Variants in KCNK9 observed in about 807,000 individuals in gnomAD.
KCNK9 encodes potassium two pore domain channel subfamily K member 9.
A neutral mutation model predicts 10.8 loss-of-function variants in KCNK9; 1 was observed. That is an observed-to-expected ratio of 0.09 (90% CI 0.03 to 0.44). The LOEUF is 0.44. Among genes scored for constraint, KCNK9 ranks in the 20% least tolerant of loss-of-function variants. The pLI is 0.97. For synonymous variants in KCNK9, 231 were observed against 222.7 expected (o/e 1.04, Z -0.33); for missense variants, 303 against 515.0 (o/e 0.59, Z 3.98).
intron 2 of KCNK9, among the ~76,000 whole-genome samples, chr8:139,603,174 A>C (rs1817409515): frequency 6.6e-6 from 1 of 152,236 alleles, no homozygotes; most frequent in Non-Finnish European, 1.5e-5. Flanking sequence ...TAACAGGTAC[A>C]CGGTGATAAC....
At chr8:139,687,871 C>T (rs1225015726) in intron 1 of KCNK9, among the ~76,000 whole-genome samples, 2 of 151,694 alleles carry the variant, frequency 1.3e-5, no homozygotes. Context: ...TTCATTTACA[C>T]ATGCATCATT....
intron 1 of KCNK9, among the ~76,000 whole-genome samples, chr8:139,624,477 T>A (rs910993873): frequency 5.3e-5 from 8 of 152,110 alleles, no homozygotes; most frequent in African/African-American, 1.9e-4. Flanking sequence ...GGCTGGCCCC[T>A]GCATCACTCA....
chr8:139,680,093 C>T (rs1285129003), intron 1 of KCNK9, among the ~76,000 whole-genome samples: 3 of 152,132 alleles, frequency 2.0e-5, no homozygotes, highest in Admixed American at 6.5e-5. Context: ...CTCATACCTA[C>T]GGGGACTCAG....
intron 1 of KCNK9, among the ~76,000 whole-genome samples, chr8:139,659,836 A>G (rs1247703218): frequency 6.6e-6 from 1 of 152,096 alleles, no homozygotes; most frequent in Non-Finnish European, 1.5e-5. Flanking sequence ...CTTACGAGAT[A>G]AAGCAAGAGA....
At chr8:139,700,155 G>A (rs1278180556) in intron 1 of KCNK9, among the ~76,000 whole-genome samples, 1 of 152,240 alleles carries the variant, frequency 6.6e-6, no homozygotes, top group Admixed American at 6.5e-5. Context: ...GTGCTAAACA[G>A]CTTCTTAGGG....
At chr8:139,606,703 T>C (rs1814230267) in intron 2 of KCNK9, among the ~76,000 whole-genome samples, 1 of 152,202 alleles carries the variant, frequency 6.6e-6, no homozygotes, top group Non-Finnish European at 1.5e-5. Context: ...ACTGGAAGTT[T>C]TTCTCCTTAA....
intron 1 of KCNK9, among the ~76,000 whole-genome samples, chr8:139,675,279 C>T (rs1189235132): frequency 6.6e-6 from 1 of 152,218 alleles, no homozygotes; most frequent in Non-Finnish European, 1.5e-5. Flanking sequence ...CTCACCCTTC[C>T]ACCTGCCCCA....
At chr8:139,684,830 A>C (rs745904021) in intron 1 of KCNK9, among the ~76,000 whole-genome samples, 6 of 152,262 alleles carry the variant, frequency 3.9e-5, no homozygotes, top group Non-Finnish European at 7.3e-5. Flanking sequence ...AGCAAGAGAC[A>C]CACATCAAAA....
At chr8:139,601,122 GA>G (rs1817355232) in exon 3 of KCNK9, 1 of 152,218 alleles carries the variant, frequency 6.6e-6, no homozygotes, top group Admixed American at 6.5e-5. Context: ...TGCAGACGGG[GA>G]AACCCCACGG....
At position 139,693,798 on chromosome 8, in the gene KCNK9, T is replaced by C. The variant is rs1816987969; in HGVS notation, c.283+8912A>G. 2.0e-5 allele frequency among the ~76,000 whole-genome samples: 3 copies of C among 151,800 alleles called. No homozygotes were observed. The South Asian group carries it at 6.3e-4, about 32-fold the overall frequency. ...GACCTGGGTCTGATTCTGCAGGGGATGGGGAGCTGCTGGGGTCTGGGGCAG... is the reference window on the plus strand; with the variant it reads ...GACCTGGGTCTGATTCTGCAGGGGACGGGGAGCTGCTGGGGTCTGGGGCAG... On this transcript the variant is annotated intron_variant, in intron 1 of 1. Coordinates refer to ENST00000520439, the MANE Select transcript of KCNK9 (RefSeq NM_001282534.2). This position sits in a 1 kb window ranked among gnomAD's most constrained non-coding sequence, Gnocchi z 4.1.
chr8:139,628,297 A>G (rs914048141), intron 1 of KCNK9, among the ~76,000 whole-genome samples: 1 of 152,194 alleles, frequency 6.6e-6, no homozygotes, highest in Admixed American at 6.5e-5. Context: ...TCACAGATGC[A>G]CAAACAAAGG....
At chr8:139,620,028 G>C (rs1814728640) in intron 1 of KCNK9, among the ~76,000 whole-genome samples, 1 of 152,218 alleles carries the variant, frequency 6.6e-6, no homozygotes, top group Non-Finnish European at 1.5e-5. Flanking sequence ...GGGAATCCAA[G>C]TCAAGACTGT....
intron 1 of KCNK9, among the ~76,000 whole-genome samples, chr8:139,686,920 T>G (rs572839265): frequency 1.3e-5 from 2 of 152,240 alleles, no homozygotes; most frequent in South Asian, 4.1e-4. Flanking sequence ...GGAAAACATA[T>G]AGCCTTTAGT....
chr8:139,657,847 T>C (rs1161608413), intron 1 of KCNK9, among the ~76,000 whole-genome samples: 1 of 152,206 alleles, frequency 6.6e-6, no homozygotes, highest in Non-Finnish European at 1.5e-5. Context: ...AGGACTCGCC[T>C]CTATCCCAGC....
At chr8:139,696,104 C>T (rs890330817) in intron 1 of KCNK9, among the ~76,000 whole-genome samples, 1 of 152,172 alleles carries the variant, frequency 6.6e-6, no homozygotes, top group African/African-American at 2.4e-5. Flanking sequence ...ATCCCAACCC[C>T]CATGCACACA....
downstream of KCNK9, among the ~76,000 whole-genome samples, chr8:139,609,993 A>G (rs1814368493): frequency 6.6e-6 from 1 of 151,990 alleles, no homozygotes; most frequent in South Asian, 2.1e-4. Context: ...CAAAGACAAA[A>G]TCTGAGTGTT....
chr8:139,694,097 G>A (rs1450846809), intron 1 of KCNK9, among the ~76,000 whole-genome samples: 1 of 152,154 alleles, frequency 6.6e-6, no homozygotes, highest in Non-Finnish European at 1.5e-5. Flanking sequence ...CTCAGTCAGG[G>A]CGGCCTCAGG....
At chr8:139,639,016 A>C (rs991317086) in intron 1 of KCNK9, among the ~76,000 whole-genome samples, 49 of 136,764 alleles carry the variant, frequency 3.6e-4, no homozygotes, top group African/African-American at 5.5e-4. Context: ...CCCTCATCCC[A>C]CCCTCCCCCA....
intron 1 of KCNK9, among the ~76,000 whole-genome samples, chr8:139,633,069 G>T (rs140918548): frequency 6.6e-6 from 1 of 152,130 alleles, no homozygotes; most frequent in Admixed American, 6.5e-5. Context: ...ATCTGGCAGG[G>T]TGCAGCCTGC....
Sources: allele counts gnomAD v4.1 joint callset (sites outside exome capture counted in the v4.1 genomes callset), GRCh38; gene constraint gnomAD v4.1.1; non-coding constraint Gnocchi (gnomAD v3.1); transcripts MANE v1.5; gene names NCBI Gene and HGNC (gene_info 2026-07-23, HGNC 2026-07-21).